RRP15: variants seen among roughly 807,000 people sequenced by gnomAD.
RRP15 encodes the protein RRP15-like protein.
Under a neutral mutation model 27.1 loss-of-function variants are expected in RRP15, and 18 were observed. The ratio of observed to expected loss-of-function variants is 0.66; its 90% CI spans 0.46 to 0.98. The LOEUF is 0.98. Ranked by LOEUF, RRP15 falls within the 50% of genes least tolerant of loss-of-function variation. RRP15 has a pLI of 0.00. For synonymous variants in RRP15, 107 were observed against 109.4 expected (o/e 0.98, Z 0.14); for missense variants, 359 against 337.8 (o/e 1.06, Z -0.49).
Position 218,289,255 on chromosome 1 carries a change from A to G in RRP15, c.139+3800A>G, listed in dbSNP as rs185392002. On this transcript the variant is annotated intron_variant, in intron 1 of 4. Transcript: ENST00000366932. ...TCTCCCCAGAAAAGAGGTTTGAATT[A>G]TTCTAGTAACCCTGTAAGGTAGCTG... Among the ~76,000 whole-genome samples, 279 of 152,292 alleles carry G rather than the reference A, an allele frequency of 1.8e-3. 1 individual carries two copies. The highest frequency in any genetic ancestry group is 4.3e-3 in the African/African-American group (177 of 41,570).
At chr1:218,311,833 A>G (rs1362367171) in intron 4 of RRP15, among the ~76,000 whole-genome samples, 1 of 152,234 alleles carries the variant, frequency 6.6e-6, no homozygotes, top group East Asian at 1.9e-4. Context: ...AATATTTGGA[A>G]AAGGGTTTTT....
At chr1:218,323,907 G>A (rs1164977908) in intron 4 of RRP15, among the ~76,000 whole-genome samples, 10 of 152,178 alleles carry the variant, frequency 6.6e-5, no homozygotes, top group Non-Finnish European at 1.5e-4. Flanking sequence ...AGTGGGAGAA[G>A]ATACTTCCGA....
intron 1 of RRP15, among the ~76,000 whole-genome samples, chr1:218,294,200 A>G (rs1032555714): frequency 2.0e-5 from 3 of 152,144 alleles, no homozygotes; most frequent in Non-Finnish European, 4.4e-5. Flanking sequence ...TTCTGTGATT[A>G]AATGTGTATG....
rs1206632555 is a variant in RRP15 at position 218,333,904 on chromosome 1, T to C, written c.*2813T>C. ...TTTTTGGTAACTACTTAGAATAATATAGTAGGTTACTTATCTTCGGTTAGA... is the reference window on the plus strand; with the variant it reads ...TTTTTGGTAACTACTTAGAATAATACAGTAGGTTACTTATCTTCGGTTAGA... On this transcript the variant is annotated 3_prime_UTR_variant, in exon 5 of 5. Transcript: ENST00000366932. 1 of 152,206 alleles carries C rather than the reference T, an allele frequency of 6.6e-6. No homozygotes were observed. 9.4% of individuals were successfully genotyped at this position (152,206 alleles called of 1,614,324 possible).
At chr1:218,312,544 A>G (rs1234208352) in intron 4 of RRP15, among the ~76,000 whole-genome samples, 2 of 152,144 alleles carry the variant, frequency 1.3e-5, no homozygotes, top group Non-Finnish European at 2.9e-5. Context: ...GTTGAATGTT[A>G]AATTCAGTGG....
intron 3 of RRP15, among the ~76,000 whole-genome samples, chr1:218,306,530 A>T (rs757716448): frequency 4.5e-4 from 69 of 152,158 alleles, no homozygotes; most frequent in Non-Finnish European, 2.9e-4. Context: ...CAGCAACCAT[A>T]TGCAGGGATG....
At chr1:218,317,113 A>C (rs1451473518) in intron 4 of RRP15, among the ~76,000 whole-genome samples, 2 of 152,194 alleles carry the variant, frequency 1.3e-5, no homozygotes, top group African/African-American at 4.8e-5. Context: ...CTGTCATACT[A>C]TTTGAATGTC....
intron 4 of RRP15, among the ~76,000 whole-genome samples, chr1:218,327,530 C>G (rs1405923005): frequency 2.0e-5 from 3 of 152,140 alleles, no homozygotes; most frequent in African/African-American, 7.2e-5. Flanking sequence ...TCTGAAACTC[C>G]TGACCTCAAG....
intron 4 of RRP15, among the ~76,000 whole-genome samples, chr1:218,318,768 C>T (rs1656130264): frequency 6.6e-6 from 1 of 150,754 alleles, no homozygotes; most frequent in Non-Finnish European, 1.5e-5. Context: ...TAAAGGTGCA[C>T]CCTCCCCACC....
intron 4 of RRP15, among the ~76,000 whole-genome samples, chr1:218,328,605 GTGAGC>G (rs1488449323): frequency 6.6e-6 from 1 of 152,070 alleles, no homozygotes; most frequent in African/African-American, 2.4e-5. Context: ...GGAGCTTGCA[GTGAGC>G]CGAGATTGCG....
At chr1:218,310,629 G>T (rs1367639390) in intron 4 of RRP15, among the ~76,000 whole-genome samples, 1 of 111,840 alleles carries the variant, frequency 8.9e-6, no homozygotes, top group Non-Finnish European at 1.8e-5. Flanking sequence ...TTATTTTAAA[G>T]AACTTTTTTA....
intron 1 of RRP15, among the ~76,000 whole-genome samples, chr1:218,288,163 T>A (rs974199546): frequency 6.6e-6 from 1 of 152,186 alleles, no homozygotes; most frequent in Non-Finnish European, 1.5e-5. Context: ...TTATAAATAT[T>A]ACTGCCAGAT....
intron 4 of RRP15, among the ~76,000 whole-genome samples, chr1:218,323,490 C>A (rs1293592555): frequency 6.6e-6 from 1 of 152,154 alleles, no homozygotes; most frequent in Non-Finnish European, 1.5e-5. Flanking sequence ...CATGGGCTAC[C>A]GTGGATGGGC....
chr1:218,300,337 T>C (rs1220169935), intron 1 of RRP15, among the ~76,000 whole-genome samples: 1 of 147,034 alleles, frequency 6.8e-6, no homozygotes, highest in Non-Finnish European at 1.5e-5. Context: ...TTACTCATGC[T>C]CGAGGTTCAT....
intron 1 of RRP15, among the ~76,000 whole-genome samples, chr1:218,285,945 G>A (rs1448523121): frequency 6.6e-6 from 1 of 152,140 alleles, no homozygotes; most frequent in African/African-American, 2.4e-5. Context: ...ATTAAAAACT[G>A]GTAGTGTTTG....
intron 4 of RRP15, among the ~76,000 whole-genome samples, chr1:218,310,035 G>A (rs1411877163): frequency 6.6e-6 from 1 of 152,146 alleles, no homozygotes; most frequent in African/African-American, 2.4e-5. Context: ...GGTGGCAAAG[G>A]TGAGCATAGA....
intron 1 of RRP15, among the ~76,000 whole-genome samples, chr1:218,293,651 C>A (rs1655678365): frequency 6.6e-6 from 1 of 152,116 alleles, no homozygotes; most frequent in African/African-American, 2.4e-5. Flanking sequence ...CCAGATATAA[C>A]CCATATGTTG....
intron 1 of RRP15, chr1:218,302,075 C>A: frequency 2.2e-6 from 1 of 464,670 alleles, no homozygotes; most frequent in South Asian, 4.6e-5. Flanking sequence ...GCTGCTGTGA[C>A]ATCCCCTGTA....
intron 1 of RRP15, among the ~76,000 whole-genome samples, chr1:218,297,702 T>C (rs927146353): frequency 1.2e-4 from 19 of 152,130 alleles, no homozygotes; most frequent in Non-Finnish European, 2.8e-4. Context: ...GGTTAACCAA[T>C]AGGCTTACCA....
Sources: gnomAD v4.1 joint callset for allele counts (sites outside exome capture counted in the v4.1 genomes callset) on GRCh38, gnomAD v4.1.1 for gene constraint, MANE v1.5 for transcripts, NCBI Gene and HGNC (gene_info 2026-07-23, HGNC 2026-07-21) for gene names.